CSMD1: variants seen among roughly 807,000 people sequenced by gnomAD.
CSMD1 encodes the protein CUB and sushi domain-containing protein 1.
Under a neutral mutation model 417.5 loss-of-function variants are expected in CSMD1, and 213 were observed. The observed-to-expected ratio is 0.51, with a 90% CI of 0.46 to 0.57. The LOEUF (loss-of-function observed/expected upper bound fraction) is 0.57, where lower values mean the gene tolerates loss of function less well. Ranked by LOEUF, CSMD1 falls within the 20% of genes least tolerant of loss-of-function variation. The pLI is 0.00. For synonymous variants in CSMD1, 2,862 were observed against 1,736.8 expected (o/e 1.65, Z -16.11); for missense variants, 6,923 against 4,529.7 (o/e 1.53, Z -15.17).
At chr8:3,301,445 A>C (rs1354110959) in intron 25 of CSMD1, among the ~76,000 whole-genome samples, 1 of 152,186 alleles carries the variant, frequency 6.6e-6, no homozygotes, top group Non-Finnish European at 1.5e-5. Context: ...GATTATTAGT[A>C]CAGAAGGAAG....
At chr8:3,273,791 T>TA (rs202187954) in intron 26 of CSMD1, among the ~76,000 whole-genome samples, 1 of 80,388 alleles carries the variant, frequency 1.2e-5, no homozygotes, top group Non-Finnish European at 2.5e-5. Flanking sequence ...CCCTTTATCA[T>TA]TTTTATTGTA....
intron 3 of CSMD1, among the ~76,000 whole-genome samples, chr8:4,081,551 G>A (rs188818284): frequency 2.6e-5 from 4 of 152,286 alleles, no homozygotes; most frequent in Middle Eastern, 3.4e-3. Flanking sequence ...AACCGAAGCT[G>A]TGCTCATGTT....
chr8:3,656,133 G>T (rs956857005), intron 7 of CSMD1, among the ~76,000 whole-genome samples: 1 of 152,182 alleles, frequency 6.6e-6, no homozygotes, highest in Non-Finnish European at 1.5e-5. Flanking sequence ...GAACTCATTG[G>T]GGCGAAAGCC....
chr8:4,534,964 T>C (rs935096049), intron 2 of CSMD1, among the ~76,000 whole-genome samples: 2 of 152,112 alleles, frequency 1.3e-5, no homozygotes, highest in African/African-American at 4.8e-5. Context: ...GGTTTCCCCA[T>C]GTTAGCCAGG....
chr8:3,477,594 T>G (rs1198381249), intron 11 of CSMD1, among the ~76,000 whole-genome samples: 2 of 152,206 alleles, frequency 1.3e-5, no homozygotes, highest in East Asian at 1.9e-4. Context: ...GTAATGAGTT[T>G]CAGACATGTG....
chr8:3,243,873 T>G (rs1031207083), intron 26 of CSMD1, among the ~76,000 whole-genome samples: 1 of 152,066 alleles, frequency 6.6e-6, no homozygotes, highest in African/African-American at 2.4e-5. Context: ...TAAAACAAAG[T>G]TGGGGCCACA....
Position 3,307,758 on chromosome 8 carries a change from G to C in CSMD1, c.3887C>G (p.Ala1296Gly), listed in dbSNP as rs754786835. The change falls in exon 25 of 70, where the codon GCT becomes GGT. Residue 1296 changes from alanine to glycine, a missense_variant. Ala to Gly is a moderately conservative substitution (Grantham distance 60, BLOSUM62 0). Transcript: ENST00000635120. Reference protein sequence around the residue: ...SGRILSPGYPAPYDNNLHCTW... With the variant: ...SGRILSPGYPGPYDNNLHCTW... ...GCAGTGGAGGTTGTTGTCATACGGA[G>C]CTGGATAGCCAGGGGACAATATTCG... 3.1e-6 allele frequency: 5 copies of C among 1,613,718 alleles called. No homozygotes were observed. Among genetic ancestry groups the C allele is most frequent in the Non-Finnish European group, 4.2e-6 (5 of 1,179,690 alleles).
At chr8:3,907,741 G>C (rs1370677124) in intron 5 of CSMD1, among the ~76,000 whole-genome samples, 3 of 152,164 alleles carry the variant, frequency 2.0e-5, no homozygotes, top group African/African-American at 4.8e-5. Flanking sequence ...AGTAATCTCA[G>C]ACCTGCCTGT....
At chr8:3,851,593 G>T (rs1189198344) in intron 5 of CSMD1, among the ~76,000 whole-genome samples, 1 of 152,190 alleles carries the variant, frequency 6.6e-6, no homozygotes, top group Non-Finnish European at 1.5e-5. Context: ...GGAGGGCAGG[G>T]TTGTCTCTAC....
chr8:4,296,302 G>A (rs372592341), intron 3 of CSMD1, among the ~76,000 whole-genome samples: 2 of 151,994 alleles, frequency 1.3e-5, no homozygotes, highest in South Asian at 2.1e-4. Context: ...GAATTATTTC[G>A]TCCCTGTGGT....
At chr8:4,059,342 A>C (rs1254731234) in intron 3 of CSMD1, among the ~76,000 whole-genome samples, 1 of 152,118 alleles carries the variant, frequency 6.6e-6, no homozygotes, top group Non-Finnish European at 1.5e-5. Context: ...AGAAAGTAGG[A>C]AAGATCCAAA....
At chr8:4,250,241 G>A (rs1464544696) in intron 3 of CSMD1, among the ~76,000 whole-genome samples, 1 of 152,116 alleles carries the variant, frequency 6.6e-6, no homozygotes, top group Admixed American at 6.5e-5. Context: ...AATGTACTAA[G>A]ACAACCTGCA....
At chr8:3,021,884 G>A (rs35923251) in intron 51 of CSMD1, among the ~76,000 whole-genome samples, 23,992 of 137,850 alleles carry the variant, frequency 0.17, 2,432 homozygotes, top group Middle Eastern at 0.23. Context: ...CACAGCGTCC[G>A]GAATGCACCT....
At chr8:4,591,361 G>C (rs967222008) in intron 2 of CSMD1, among the ~76,000 whole-genome samples, 1 of 152,172 alleles carries the variant, frequency 6.6e-6, no homozygotes, top group Non-Finnish European at 1.5e-5. Flanking sequence ...CAAACTAGTT[G>C]GGCCACCTTG....
At chr8:3,347,049 G>A (rs1201978438) in intron 22 of CSMD1, among the ~76,000 whole-genome samples, 1 of 152,152 alleles carries the variant, frequency 6.6e-6, no homozygotes, top group Non-Finnish European at 1.5e-5. Context: ...CGCATAAAAT[G>A]CACTAACACT....
intron 2 of CSMD1, among the ~76,000 whole-genome samples, chr8:4,515,808 C>G (rs987093588): frequency 1.8e-4 from 27 of 152,096 alleles, no homozygotes; most frequent in African/African-American, 6.5e-4. Context: ...TGCACTGATG[C>G]CCGGGTTGTT....
intron 18 of CSMD1, among the ~76,000 whole-genome samples, chr8:3,376,602 AT>A (rs1377573545): frequency 9.9e-5 from 15 of 151,990 alleles, no homozygotes; most frequent in Non-Finnish European, 1.9e-4. Flanking sequence ...TCTTTCTTTA[AT>A]TAAAAAAAAT....
At chr8:3,235,438 G>C (rs1445732166) in intron 26 of CSMD1, among the ~76,000 whole-genome samples, 1 of 152,138 alleles carries the variant, frequency 6.6e-6, no homozygotes, top group Non-Finnish European at 1.5e-5. Flanking sequence ...TAAGTGCTCT[G>C]TTGAACACTT....
intron 3 of CSMD1, among the ~76,000 whole-genome samples, chr8:4,059,448 A>G (rs1394782660): frequency 1.3e-5 from 2 of 152,234 alleles, no homozygotes; most frequent in Non-Finnish European, 2.9e-5. Context: ...AAATCAGAGC[A>G]GAACTGAAGG....
Sources: allele counts gnomAD v4.1 joint callset (sites outside exome capture counted in the v4.1 genomes callset), GRCh38; gene constraint gnomAD v4.1.1; transcripts MANE v1.5; gene names NCBI Gene and HGNC (gene_info 2026-07-23, HGNC 2026-07-21).